Variants in MCF2L2 observed in about 807,000 individuals in gnomAD.
MCF2L2 encodes the protein MCF.2 cell line derived transforming sequence-like 2.
In MCF2L2, 102 loss-of-function variants were observed where a neutral mutation model predicts 150.2. That is an observed-to-expected ratio of 0.68 (90% CI 0.58 to 0.80). The LOEUF (loss-of-function observed/expected upper bound fraction) is 0.80. Among genes scored for constraint, MCF2L2 ranks in the 30% least tolerant of loss-of-function variants. The pLI is 0.00. For synonymous variants in MCF2L2, 465 were observed against 491.3 expected (o/e 0.95, Z 0.71); for missense variants, 1,256 against 1,372.8 (o/e 0.91, Z 1.34).
chr3:183,327,318 C>G (rs1043129935), intron 5 of MCF2L2, among the ~76,000 whole-genome samples: 1 of 151,946 alleles, frequency 6.6e-6, no homozygotes, highest in Non-Finnish European at 1.5e-5. Context: ...GAATGAGACT[C>G]TGTCTCAAAA....
At chr3:183,365,185 CA>C in intron 3 of MCF2L2, among the ~76,000 whole-genome samples, 1 of 152,218 alleles carries the variant, frequency 6.6e-6, no homozygotes, top group South Asian at 2.1e-4. Context: ...CTGAAAGACA[CA>C]AAAGTAGACT....
chr3:183,308,061 T>C lies in MCF2L2; in HGVS notation c.1113+1655A>G, dbSNP rs534991997. Among the ~76,000 whole-genome samples the C allele has an allele frequency of 4.9e-4, 75 of 152,354 alleles. 1 individual carries two copies. Among genetic ancestry groups the C allele is most frequent in the African/African-American group, 1.8e-3 (74 of 41,586 alleles). On this transcript the variant is annotated intron_variant, in intron 10 of 29. Transcript: ENST00000328913. The stretch of plus-strand genomic sequence containing the variant: ...AGTAGCATCCCCAGTCACTTTCTAT[T>C]ATATCTTGTTTTCTTTTTTATATCA...
chr3:183,382,080 A>G (rs1273509673), intron 2 of MCF2L2, among the ~76,000 whole-genome samples: 4 of 128,784 alleles, frequency 3.1e-5, no homozygotes, highest in African/African-American at 1.1e-4. Flanking sequence ...TTATTATTAG[A>G]TGGAATCTCG....
intron 15 of MCF2L2, among the ~76,000 whole-genome samples, chr3:183,242,962 G>C (rs1576952581): frequency 1.3e-5 from 2 of 152,206 alleles, no homozygotes; most frequent in Admixed American, 1.3e-4. Flanking sequence ...GATTATTTTG[G>C]AACTTTAAGG....
chr3:183,269,560 G>T, intron 15 of MCF2L2: 1 of 437,856 alleles, frequency 2.3e-6, no homozygotes, highest in Non-Finnish European at 4.0e-6. Context: ...CCTGAAGGAT[G>T]CCCGTGTGGA....
intron 3 of MCF2L2, among the ~76,000 whole-genome samples, chr3:183,363,769 A>G (rs1302810670): frequency 1.3e-5 from 2 of 152,218 alleles, no homozygotes; most frequent in African/African-American, 2.4e-5. Context: ...TTAATATACT[A>G]CTTTAAGTAC....
intron 3 of MCF2L2, among the ~76,000 whole-genome samples, chr3:183,353,695 A>G (rs1711603051): frequency 6.6e-6 from 1 of 152,112 alleles, no homozygotes; most frequent in Non-Finnish European, 1.5e-5. Flanking sequence ...TGCCCCCATG[A>G]TCCATTCATC....
At chr3:183,320,608 C>T (rs544803151) in intron 6 of MCF2L2, among the ~76,000 whole-genome samples, 1 of 152,280 alleles carries the variant, frequency 6.6e-6, no homozygotes, top group East Asian at 1.9e-4. Context: ...CTGGATTAGG[C>T]TTTGGCTTAA....
At chr3:183,213,838 G>C (rs1234307069) in intron 22 of MCF2L2, among the ~76,000 whole-genome samples, 1 of 152,118 alleles carries the variant, frequency 6.6e-6, no homozygotes, top group Non-Finnish European at 1.5e-5. Context: ...TAATTCAACA[G>C]GATTATACAA....
intron 15 of MCF2L2, among the ~76,000 whole-genome samples, chr3:183,274,913 C>T (rs113110346): frequency 6.6e-6 from 1 of 152,080 alleles, no homozygotes; most frequent in Non-Finnish European, 1.5e-5. Context: ...ACTCTTCTAC[C>T]TGGTTTTCAA....
At chr3:183,234,829 C>T (rs111514877) in intron 15 of MCF2L2, among the ~76,000 whole-genome samples, 2 of 125,904 alleles carry the variant, frequency 1.6e-5, no homozygotes, top group Admixed American at 1.7e-4. Context: ...GTATATCTCC[C>T]AATGCTATCC....
intron 15 of MCF2L2, chr3:183,271,596 A>G (rs574759138): frequency 2.7e-4 from 45 of 167,178 alleles, no homozygotes; most frequent in African/African-American, 1.1e-3. Context: ...AAAGTGATTA[A>G]TGTTGCCCTA....
At chr3:183,249,575 G>A (rs2108692496) in intron 15 of MCF2L2, among the ~76,000 whole-genome samples, 1 of 152,342 alleles carries the variant, frequency 6.6e-6, no homozygotes, top group South Asian at 2.1e-4. Flanking sequence ...CTGCGGGTGA[G>A]TGCCGCCTTG....
At chr3:183,366,497 T>TA (rs1712528682) in intron 3 of MCF2L2, among the ~76,000 whole-genome samples, 1 of 152,004 alleles carries the variant, frequency 6.6e-6, no homozygotes, top group Non-Finnish European at 1.5e-5. Flanking sequence ...ATACAAAACT[T>TA]AGCTAGGCAT....
chr3:183,234,192 T>G (rs576980443), intron 15 of MCF2L2, among the ~76,000 whole-genome samples: 7 of 146,464 alleles, frequency 4.8e-5, no homozygotes, highest in African/African-American at 7.7e-5. Context: ...ATGGAAAACC[T>G]GAGTACAATC....
chr3:183,210,230 GA>G (rs1722645238), intron 22 of MCF2L2, among the ~76,000 whole-genome samples: 1 of 152,166 alleles, frequency 6.6e-6, no homozygotes, highest in African/African-American at 2.4e-5. Context: ...GCAACATAGG[GA>G]GATCACCATC....
rs1228591362 is a variant in MCF2L2 at position 183,305,798 on chromosome 3, G to A, written c.1113+3918C>T. ...CAGGAGGCGGAGGTTGCAGTGAGCT[G>A]AGATTGTGCCACTGCACTCCAGCCT... is the stretch of plus-strand genomic sequence containing the variant. On this transcript the variant is annotated intron_variant, in intron 10 of 29. Coordinates refer to ENST00000328913, the MANE Select transcript of MCF2L2 (RefSeq NM_015078.4). This position sits in a 1 kb window ranked among gnomAD's most constrained non-coding sequence, Gnocchi z 4.1. 6.6e-6 allele frequency among the ~76,000 whole-genome samples: 1 copy of A among 152,156 alleles called. No individual in the cohort carries two copies. The highest frequency in any genetic ancestry group is 1.5e-5 in the Non-Finnish European group (1 of 68,024).
rs1560006410 is a variant in MCF2L2 at position 183,297,173 on chromosome 3, G to A, written c.1306-6C>T. ...GCCTCACACCATTGGCTGACCTTTT[G>A]GAAAGAAACAGTGCCCTGTGCACTT... On this transcript the variant is annotated splice_polypyrimidine_tract_variant and splice_region_variant and intron_variant, in intron 11 of 29. Coordinates refer to ENST00000328913, the MANE Select transcript of MCF2L2 (RefSeq NM_015078.4). 6.2e-7 allele frequency: 1 copy of A among 1,613,190 alleles called. No individual in the cohort carries two copies. The highest frequency in any genetic ancestry group is 8.5e-7 in the Non-Finnish European group (1 of 1,179,536).
intron 14 of MCF2L2, among the ~76,000 whole-genome samples, chr3:183,278,326 G>A (rs1044078187): frequency 6.6e-6 from 1 of 151,416 alleles, no homozygotes; most frequent in Non-Finnish European, 1.5e-5. Flanking sequence ...TACTTCTTGT[G>A]AGTTGTGGTC....
Sources: allele counts gnomAD v4.1 joint callset (sites outside exome capture counted in the v4.1 genomes callset), GRCh38; gene constraint gnomAD v4.1.1; non-coding constraint Gnocchi (gnomAD v3.1); transcripts MANE v1.5; gene names NCBI Gene and HGNC (gene_info 2026-07-23, HGNC 2026-07-21).